RORA: variants seen among roughly 807,000 people sequenced by gnomAD.
RORA encodes RAR related orphan receptor A.
Under a neutral mutation model 69.5 loss-of-function variants are expected in RORA, and 7 were observed. The ratio of observed to expected loss-of-function variants is 0.10; its 90% CI spans 0.06 to 0.19. The LOEUF (loss-of-function observed/expected upper bound fraction) is 0.19. Among genes scored for constraint, RORA ranks in the 10% least tolerant of loss-of-function variants. The pLI is 1.00. For missense variants in RORA, 457 were observed against 663.0 expected (o/e 0.69, Z 3.41); for synonymous variants, 261 against 240.8 (o/e 1.08, Z -0.78).
Position 61,107,101 on chromosome 15 carries a change from T to C in RORA, c.166+121952A>G, listed in dbSNP as rs539619488. 1.5e-3 allele frequency among the ~76,000 whole-genome samples: 235 copies of C among 152,258 alleles called. 2 individuals are homozygous for C. The highest frequency in any genetic ancestry group is 5.4e-3 in the African/African-American group (225 of 41,540). ...TGGAGTGGGAGTATATTTAACTGTT[T>C]CCAAAAGCAGGGAGGTAATTACTTG... is the stretch of plus-strand genomic sequence containing the variant. On this transcript the variant is annotated intron_variant, in intron 1 of 10. Transcript: ENST00000335670.
chr15:60,520,636 G>C (rs1485443721), intron 3 of RORA, among the ~76,000 whole-genome samples: 1 of 152,120 alleles, frequency 6.6e-6, no homozygotes, highest in African/African-American at 2.4e-5. Flanking sequence ...TGAGTGAGCT[G>C]AGAGATGAAT....
intron 1 of RORA, among the ~76,000 whole-genome samples, chr15:60,979,298 A>G (rs545714930): frequency 6.2e-4 from 86 of 138,828 alleles, no homozygotes; most frequent in Non-Finnish European, 1.1e-3. Context: ...TTTTCCAAGA[A>G]TATTTTGGCT....
intron 1 of RORA, among the ~76,000 whole-genome samples, chr15:60,999,630 G>A (rs887805304): frequency 2.0e-5 from 3 of 152,226 alleles, no homozygotes; most frequent in Admixed American, 6.5e-5. Flanking sequence ...CCCCTGCCGC[G>A]GCCTTATCAA....
chr15:61,012,091 T>C (rs1292099382), intron 1 of RORA, among the ~76,000 whole-genome samples: 2 of 152,196 alleles, frequency 1.3e-5, no homozygotes, highest in Admixed American at 6.5e-5. Context: ...ATAGAAAACA[T>C]GATTTTGATG....
rs201739980 is a variant in RORA, at chr15:60,558,327, T to C, written c.197-26476A>G. ...CATCCCTGGAACGAAAATGATAGCC[T>C]ATCTCAAAAAAGCTACTAATGGGCA... On this transcript the variant is annotated intron_variant, in intron 2 of 10. Transcript: ENST00000335670. The C allele has an allele frequency of 2.4e-5, 37 of 1,565,302 alleles. No individual in the cohort carries two copies. The South Asian group carries it at 3.8e-4, about 16-fold the overall frequency.
Position 60,817,222 on chromosome 15 carries a change from A to C in RORA, c.167-138536T>G, listed in dbSNP as rs80023720. On this transcript the variant is annotated intron_variant, in intron 1 of 10. Coordinates refer to ENST00000335670, the MANE Select transcript of RORA (RefSeq NM_134261.3). The stretch of plus-strand genomic sequence containing the variant: ...GGTCTCTAGACCACGGCAATAAAGC[A>C]AATATCGCCATCAAGTCACACAATT... Among the ~76,000 whole-genome samples, 1,319 of 152,346 alleles carry C rather than the reference A, an allele frequency of 8.7e-3. 21 individuals carry two copies. The highest frequency in any genetic ancestry group is 0.029 in the African/African-American group (1,216 of 41,576).
At chr15:60,502,930 A>G (rs1472638099) in intron 7 of RORA, 63 bp from the exon 8 acceptor site, 2 of 1,078,830 alleles carry the variant, frequency 1.9e-6, no homozygotes, top group African/African-American at 1.5e-5. Flanking sequence ...GTTTGTTTCT[A>G]AGCTGCTCAT....
chr15:60,656,475 T>C (rs1355254644), intron 2 of RORA, among the ~76,000 whole-genome samples: 2 of 152,080 alleles, frequency 1.3e-5, no homozygotes, highest in African/African-American at 2.4e-5. Flanking sequence ...AAGACAGGTA[T>C]GGATTAAAAA....
At chr15:60,580,637 C>G (rs1380442344) in intron 2 of RORA, among the ~76,000 whole-genome samples, 1 of 152,312 alleles carries the variant, frequency 6.6e-6, no homozygotes. Flanking sequence ...TTTTATATTC[C>G]TGGTCATTTA....
At chr15:61,066,829 TCTTC>T (rs1232145268) in intron 1 of RORA, among the ~76,000 whole-genome samples, 2 of 127,428 alleles carry the variant, frequency 1.6e-5, no homozygotes, top group Non-Finnish European at 3.1e-5. Context: ...AGAGTCCAAA[TCTTC>T]CTTCTTCTAG....
At chr15:60,717,339 C>T (rs1236937934) in intron 1 of RORA, among the ~76,000 whole-genome samples, 1 of 152,182 alleles carries the variant, frequency 6.6e-6, no homozygotes, top group African/African-American at 2.4e-5. Flanking sequence ...AGAGAATGTA[C>T]AGCACCCAGA....
intron 1 of RORA, among the ~76,000 whole-genome samples, chr15:60,868,659 G>A (rs2073517659): frequency 6.6e-6 from 1 of 151,976 alleles, no homozygotes; most frequent in Non-Finnish European, 1.5e-5. Context: ...GTGGTACTTC[G>A]GTTTCAAATC....
intron 1 of RORA, among the ~76,000 whole-genome samples, chr15:60,817,984 C>T (rs1263158662): frequency 6.6e-6 from 1 of 152,044 alleles, no homozygotes; most frequent in Non-Finnish European, 1.5e-5. Context: ...CTAATCCTTC[C>T]CTACCCTCTT....
At chr15:60,941,389 G>A (rs554225149) in intron 1 of RORA, among the ~76,000 whole-genome samples, 1 of 152,210 alleles carries the variant, frequency 6.6e-6, no homozygotes, top group Non-Finnish European at 1.5e-5. Context: ...ATGTGTTGGC[G>A]TCTCGCGATT....
intron 1 of RORA, among the ~76,000 whole-genome samples, chr15:60,685,168 T>A (rs1486331851): frequency 6.6e-6 from 1 of 152,134 alleles, no homozygotes; most frequent in African/African-American, 2.4e-5. Flanking sequence ...AACGGGATAA[T>A]CCGGGAAGGC....
At chr15:60,855,626 A>G (rs7169944) in intron 1 of RORA, among the ~76,000 whole-genome samples, 39,886 of 151,920 alleles carry the variant, frequency 0.26, 5,454 homozygotes, top group Non-Finnish European at 0.29. Context: ...TTATTTATTT[A>G]TTTATTTAAT....
intron 1 of RORA, among the ~76,000 whole-genome samples, chr15:61,181,829 C>T (rs2079689435): frequency 1.3e-5 from 2 of 151,880 alleles, no homozygotes; most frequent in African/African-American, 4.8e-5. Flanking sequence ...AAATACCAAA[C>T]ACCAGTAGCA....
intron 3 of RORA, among the ~76,000 whole-genome samples, chr15:60,518,028 T>C (rs1005609938): frequency 6.6e-6 from 1 of 152,180 alleles, no homozygotes; most frequent in African/African-American, 2.4e-5. Context: ...TCACTACTTC[T>C]TTTTTTCTTT....
At chr15:60,610,991 G>A (rs145748602) in intron 2 of RORA, among the ~76,000 whole-genome samples, 3 of 152,294 alleles carry the variant, frequency 2.0e-5, no homozygotes, top group African/African-American at 2.4e-5. Context: ...TAAAAAGTTC[G>A]TAGTAGATAA....
Sources: gnomAD v4.1 joint callset for allele counts (sites outside exome capture counted in the v4.1 genomes callset) on GRCh38, gnomAD v4.1.1 for gene constraint, MANE v1.5 for transcripts, NCBI Gene and HGNC (gene_info 2026-07-23, HGNC 2026-07-21) for gene names.